Variants in PTPRD observed in about 807,000 individuals in gnomAD.
The protein encoded by PTPRD is receptor-type tyrosine-protein phosphatase delta.
In PTPRD, 34 loss-of-function variants were observed where a neutral mutation model predicts 214.5. The ratio of observed to expected loss-of-function variants is 0.16; its 90% confidence interval spans 0.12 to 0.21. PTPRD has a LOEUF of 0.21. Ranked by LOEUF, PTPRD falls within the 10% of genes least tolerant of loss-of-function variation. The pLI is 1.00. For synonymous variants in PTPRD, 1,128 were observed against 845.7 expected, an observed-to-expected ratio of 1.33 and a Z score of -5.79; for missense variants, 2,545 against 2,398.7, an observed-to-expected ratio of 1.06 and a Z score of -1.27.
chr9:9,844,572 A>G (rs1476977231), intron 5 of PTPRD, among the ~76,000 whole-genome samples: 1 of 152,014 alleles, frequency 6.6e-6, no homozygotes, highest in Non-Finnish European at 1.5e-5. Flanking sequence ...AAATAAAAGG[A>G]ATTGATATGA....
At chr9:9,916,507 T>A (rs2153836942) in intron 5 of PTPRD, among the ~76,000 whole-genome samples, 1 of 152,026 alleles carries the variant, frequency 6.6e-6, no homozygotes, top group South Asian at 2.1e-4. Context: ...TTGAATAGAT[T>A]TTTAAAATCC....
rs377561502 is a variant in PTPRD, at chr9:8,858,051, C to T, written c.-103-124105G>A. 1,046 of 161,942 alleles carry T rather than the reference C, an allele frequency of 6.5e-3. 7 individuals are homozygous for T. Among genetic ancestry groups the T allele is most frequent in the South Asian group, 0.013 (88 of 6,632 alleles). 10.0% of individuals were successfully genotyped at this position (161,942 alleles called of 1,614,324 possible). A position where few individuals can be genotyped will look rare whatever the true frequency, so the allele number is the denominator to read the frequency against. On this transcript the variant is annotated intron_variant, in intron 11 of 45. Coordinates refer to ENST00000381196, the MANE Select transcript of PTPRD (RefSeq NM_002839.4). ...CCCGCTCCTCCTGCTCGCCCTGCGC[C>T]CGCTTCTCTCGCTGCCGCCGCCGCC...
Position 9,987,132 on chromosome 9 carries a change from T to C in PTPRD, c.-472+46586A>G, listed in dbSNP as rs181931803. Among the ~76,000 whole-genome samples, 246 of 152,164 alleles carry C rather than the reference T, an allele frequency of 1.6e-3. 1 individual carries two copies. Among genetic ancestry groups the C allele is most frequent in the African/African-American group, 5.5e-3 (230 of 41,506 alleles). On this transcript the variant is annotated intron_variant, in intron 4 of 45. Coordinates refer to ENST00000381196, the MANE Select transcript of PTPRD (RefSeq NM_002839.4). ...GAGATTAGACTGTAACTCAATAGAA[T>C]TATGTTTTTTGAACTCCAACCAACA... is the stretch of plus-strand genomic sequence containing the variant.
chr9:10,400,148 T>C (rs143781331), intron 2 of PTPRD, among the ~76,000 whole-genome samples: 34 of 151,948 alleles, frequency 2.2e-4, no homozygotes, highest in African/African-American at 7.2e-4. Context: ...CCTTCACTTA[T>C]GTAGTAGTCA....
In PTPRD at chr9:9,302,603, T is replaced by TA. The variant is rs983429683; in HGVS notation, c.-203+94845_-203+94846insT. ...TCATGTTTTGTAGTTTTTTTTTTCT[T>TA]TTTTTTTTTTTTTTGTCTTTCCTGG... On this transcript the variant is annotated intron_variant, in intron 9 of 45. Transcript: ENST00000381196. Among the ~76,000 whole-genome samples the TA allele has an allele frequency of 2.5e-5, 3 of 117,894 alleles. No homozygotes were observed. In the South Asian group the frequency reaches 7.8e-4, roughly 31 times the overall value. 77.3% of individuals were successfully genotyped at this position (117,894 alleles called of 152,430 possible).
At chr9:10,078,373 G>T (rs2098170688) in intron 3 of PTPRD, among the ~76,000 whole-genome samples, 1 of 149,560 alleles carries the variant, frequency 6.7e-6, no homozygotes, top group Admixed American at 6.7e-5. Flanking sequence ...AAAATTAGCT[G>T]GGTGTGGTGG....
chr9:10,588,510 A>C (rs1458635512), intron 2 of PTPRD, among the ~76,000 whole-genome samples: 1 of 151,900 alleles, frequency 6.6e-6, no homozygotes, highest in African/African-American at 2.4e-5. Context: ...TAAGCTATCC[A>C]AATAAATGGC....
intron 2 of PTPRD, among the ~76,000 whole-genome samples, chr9:10,450,542 T>C (rs1156751147): frequency 6.6e-6 from 1 of 152,082 alleles, no homozygotes; most frequent in Admixed American, 6.5e-5. Context: ...GTTTATATTT[T>C]ACGAATCCTT....
intron 10 of PTPRD, among the ~76,000 whole-genome samples, chr9:9,108,252 C>T (rs2154446990): frequency 6.6e-6 from 1 of 152,144 alleles, no homozygotes; most frequent in East Asian, 1.9e-4. Context: ...TTCTCCCTAC[C>T]TTTTGTTTTC....
chr9:9,216,631 T>C (rs760960650), intron 9 of PTPRD, among the ~76,000 whole-genome samples: 4 of 152,088 alleles, frequency 2.6e-5, no homozygotes, highest in Non-Finnish European at 5.9e-5. Flanking sequence ...AGCTGGAAAT[T>C]GTAGGTGTTC....
At position 9,440,949 on chromosome 9, in the gene PTPRD, G is replaced by A. The variant is rs1199939240; in HGVS notation, c.-236-43467C>T. Among the ~76,000 whole-genome samples, 5 of 152,198 alleles carry A rather than the reference G, an allele frequency of 3.3e-5. No homozygotes were observed. In the South Asian group the frequency reaches 6.2e-4, roughly 19 times the overall value. On this transcript the variant is annotated intron_variant, in intron 8 of 45. Coordinates refer to ENST00000381196, the MANE Select transcript of PTPRD (RefSeq NM_002839.4). The stretch of plus-strand genomic sequence containing the variant: ...ACGAAGGAAGTATGATGGGCAGAGC[G>A]TGAAGTCAAGCTGATCTTCAGGCCT...
chr9:9,813,906 C>G (rs905540919), intron 5 of PTPRD, among the ~76,000 whole-genome samples: 1 of 152,054 alleles, frequency 6.6e-6, no homozygotes, highest in Admixed American at 6.6e-5. Context: ...AAGGATCATT[C>G]ACAATGATCA....
At chr9:8,904,659 G>A (rs1395130304) in intron 11 of PTPRD, among the ~76,000 whole-genome samples, 2 of 141,216 alleles carry the variant, frequency 1.4e-5, no homozygotes, top group African/African-American at 5.5e-5. Context: ...GTAGCAGAGG[G>A]AGACTCTTAA....
chr9:9,136,278 C>T (rs1212483823), intron 10 of PTPRD, among the ~76,000 whole-genome samples: 11 of 151,902 alleles, frequency 7.2e-5, no homozygotes, highest in Non-Finnish European at 2.9e-5. Context: ...ATCTTTTGGT[C>T]ATGGTTGTTT....
chr9:8,670,004 C>T (rs1055316216), intron 12 of PTPRD, among the ~76,000 whole-genome samples: 11 of 150,208 alleles, frequency 7.3e-5, no homozygotes, highest in African/African-American at 2.7e-4. Context: ...TTATAGGGGT[C>T]GGTGTTTTCT....
At chr9:8,881,419 A>G (rs886459809) in intron 11 of PTPRD, among the ~76,000 whole-genome samples, 3 of 152,188 alleles carry the variant, frequency 2.0e-5, no homozygotes, top group African/African-American at 7.2e-5. Flanking sequence ...AGTTACGTAC[A>G]TTTTTCCTCT....
intron 3 of PTPRD, among the ~76,000 whole-genome samples, chr9:10,269,304 T>C (rs945973024): frequency 1.3e-5 from 2 of 152,250 alleles, no homozygotes; most frequent in Non-Finnish European, 2.9e-5. Context: ...TGTGTATGTG[T>C]ATATGCTACA....
At chr9:8,732,628 T>C (rs868499545) in intron 12 of PTPRD, among the ~76,000 whole-genome samples, 10 of 152,248 alleles carry the variant, frequency 6.6e-5, no homozygotes, top group Middle Eastern at 3.2e-3. Context: ...TAGGAAACTA[T>C]ATACATTATT....
intron 10 of PTPRD, among the ~76,000 whole-genome samples, chr9:9,135,138 C>G (rs936721430): frequency 1.3e-5 from 2 of 152,046 alleles, no homozygotes; most frequent in African/African-American, 4.8e-5. Flanking sequence ...ATAACTTTAC[C>G]TAAGTTTAAA....
Sources: gnomAD v4.1 joint callset for allele counts (sites outside exome capture counted in the v4.1 genomes callset) on GRCh38, gnomAD v4.1.1 for gene constraint, MANE v1.5 for transcripts, NCBI Gene and HGNC (gene_info 2026-07-23, HGNC 2026-07-21) for gene names.